Variants in FOXK2 observed in about 807,000 individuals in gnomAD.
FOXK2 encodes the protein forkhead box K2.
In FOXK2, 24 loss-of-function variants were observed where a neutral mutation model predicts 53.3. The observed-to-expected ratio is 0.45, with a 90% CI of 0.33 to 0.63. The LOEUF (loss-of-function observed/expected upper bound fraction) is 0.63, where lower values mean the gene tolerates loss of function less well. Ranked by LOEUF, FOXK2 falls within the 30% of genes least tolerant of loss-of-function variation. The pLI is 0.03. For synonymous variants in FOXK2, 505 were observed against 407.1 expected (o/e 1.24, Z -2.89); for missense variants, 952 against 910.5 (o/e 1.05, Z -0.59).
At chr17:82,597,230 G>T (rs764710988) in intron 8 of FOXK2, among the ~76,000 whole-genome samples, 9 of 152,218 alleles carry the variant, frequency 5.9e-5, no homozygotes, top group Non-Finnish European at 1.0e-4. Flanking sequence ...TGCAGTGCTC[G>T]CTGCACAGAC....
Position 82,597,796 on chromosome 17 carries a change from G to A in FOXK2, c.1787-3507G>A, listed in dbSNP as rs550291343. Among the ~76,000 whole-genome samples, 243 of 152,186 alleles carry A rather than the reference G, an allele frequency of 1.6e-3. 1 individual carries two copies. The highest frequency in any genetic ancestry group is 2.8e-3 in the Non-Finnish European group (191 of 68,004). ...CTCCTGAGTAACTGAGATTACAGGT[G>A]CCCGCCACCACACCTGGCTAATTTT... On this transcript the variant is annotated intron_variant, in intron 8 of 8. Transcript: ENST00000335255.
chr17:82,596,499 C>T (rs1163862979), intron 8 of FOXK2, among the ~76,000 whole-genome samples: 3 of 152,282 alleles, frequency 2.0e-5, no homozygotes, highest in African/African-American at 4.8e-5. Flanking sequence ...GCCCTCGTCA[C>T]GCCCCGGGAC....
At chr17:82,576,656 A>T in intron 4 of FOXK2, 1 of 1,157,936 alleles carries the variant, frequency 8.6e-7, no homozygotes, top group Non-Finnish European at 1.3e-6. Context: ...AAGATGATTG[A>T]CACAACGAAG....
chr17:82,596,289 G>A (rs371065202), intron 8 of FOXK2: 81 of 827,116 alleles, frequency 9.8e-5, no homozygotes, highest in African/African-American at 7.0e-4. Flanking sequence ...TCTGGAACAC[G>A]TTCCTTGCCC....
At chr17:82,596,702 C>A (rs1407714660) in intron 8 of FOXK2, among the ~76,000 whole-genome samples, 2 of 152,226 alleles carry the variant, frequency 1.3e-5, no homozygotes, top group African/African-American at 4.8e-5. Flanking sequence ...AGGATTCCTA[C>A]ACCAAGCCTG....
At chr17:82,529,053 G>A (rs1048776374) in intron 1 of FOXK2, among the ~76,000 whole-genome samples, 2 of 152,220 alleles carry the variant, frequency 1.3e-5, no homozygotes, top group African/African-American at 4.8e-5. Flanking sequence ...CGCAGGAGGG[G>A]AGAGCCGCCT....
At chr17:82,556,667 G>A (rs1567973040) in intron 1 of FOXK2, among the ~76,000 whole-genome samples, 12 of 152,032 alleles carry the variant, frequency 7.9e-5, no homozygotes. Context: ...TGAGCAGATG[G>A]CCAGCAGCAC....
intron 3 of FOXK2, among the ~76,000 whole-genome samples, chr17:82,569,919 T>C (rs1229100117): frequency 9.1e-6 from 1 of 109,362 alleles, no homozygotes; most frequent in African/African-American, 3.2e-5. Flanking sequence ...TACATTTTTC[T>C]GTTTAAAAAA....
chr17:82,519,993 G>T lies in FOXK2; in HGVS notation c.105G>T (p.Trp35Cys), dbSNP rs1374441594. The T allele has an allele frequency of 6.3e-6, 9 of 1,421,074 alleles. No individual in the cohort carries two copies. The African/African-American group carries it at 1.3e-4, about 21-fold the overall frequency. 88.0% of individuals were successfully genotyped at this position (1,421,074 alleles called of 1,614,324 possible). A position where few individuals can be genotyped will look rare whatever the true frequency, so the allele number is the denominator to read the frequency against. Residue 35 changes from tryptophan to cysteine, a missense_variant, in exon 1 of 9, where the codon TGG becomes TGT. Trp to Cys is a radical substitution (Grantham distance 215, BLOSUM62 -2). Coordinates refer to ENST00000335255, the MANE Select transcript of FOXK2 (RefSeq NM_004514.4). ...AGGGGSPPGG[W>C]AVARLEGREF... ...GCGGCGGGTCCCCGCCGGGCGGCTG[G>T]GCCGTGGCGCGCCTGGAGGGCCGCG...
intron 4 of FOXK2, among the ~76,000 whole-genome samples, chr17:82,573,558 TCTCTCACA>T (rs1314259315): frequency 6.2e-4 from 56 of 90,650 alleles, no homozygotes; most frequent in African/African-American, 1.7e-3. Context: ...TCTCTCTCTC[TCTCTCACA>T]CACACACACA....
chr17:82,564,919 G>T lies in FOXK2; in HGVS notation c.614+1371G>T, dbSNP rs186345862. On this transcript the variant is annotated intron_variant, in intron 2 of 8. Transcript: ENST00000335255. ...CTAATTTTGTATTTTTAGTAGAGAT[G>T]GGGTTTCTCCATGTTGGTCAGGGTG... is the stretch of plus-strand genomic sequence containing the variant. 3.3e-5 allele frequency among the ~76,000 whole-genome samples: 5 copies of T among 151,992 alleles called. No homozygotes were observed. In the East Asian group the frequency reaches 9.7e-4, roughly 29 times the overall value.
At chr17:82,573,492 A>G (rs1023392189) in intron 4 of FOXK2, among the ~76,000 whole-genome samples, 1 of 151,870 alleles carries the variant, frequency 6.6e-6, no homozygotes, top group Non-Finnish European at 1.5e-5. Flanking sequence ...TATTTACTCT[A>G]TAAAACTGAG....
At chr17:82,570,155 G>C (rs1387743282) in intron 3 of FOXK2, among the ~76,000 whole-genome samples, 1 of 151,872 alleles carries the variant, frequency 6.6e-6, no homozygotes, top group East Asian at 1.9e-4. Flanking sequence ...CCGGGAGGTG[G>C]AGCTTGCAGT....
chr17:82,587,443 G>A (rs548777054), intron 8 of FOXK2, 171 bp downstream of exon 8: 104 of 634,774 alleles, frequency 1.6e-4, no homozygotes, highest in South Asian at 4.2e-4. Flanking sequence ...TCGTGGAGTC[G>A]GCCGTCATGG....
intron 1 of FOXK2, among the ~76,000 whole-genome samples, chr17:82,558,997 A>G (rs1165498622): frequency 6.6e-6 from 1 of 151,956 alleles, no homozygotes; most frequent in Non-Finnish European, 1.5e-5. Flanking sequence ...GATCTGCCCA[A>G]CTTGGTCTCC....
At chr17:82,591,048 G>A (rs1306952443) in intron 8 of FOXK2, among the ~76,000 whole-genome samples, 4 of 152,324 alleles carry the variant, frequency 2.6e-5, no homozygotes, top group East Asian at 1.9e-4. Flanking sequence ...TGCGTGTGTC[G>A]TGAAGACAGT....
intron 8 of FOXK2, among the ~76,000 whole-genome samples, chr17:82,597,038 G>A (rs140529142): frequency 0.012 from 1,826 of 152,300 alleles, 15 homozygotes; most frequent in Middle Eastern, 0.031. Flanking sequence ...TGGTGAAGGC[G>A]GCGGCGCCTC....
intron 6 of FOXK2, among the ~76,000 whole-genome samples, chr17:82,584,472 C>T (rs866466423): frequency 1.3e-5 from 2 of 149,754 alleles, no homozygotes; most frequent in African/African-American, 2.5e-5. Flanking sequence ...CCCGCACCCC[C>T]ACCCCCCGCA....
At chr17:82,575,832 A>G (rs182812599) in intron 4 of FOXK2, among the ~76,000 whole-genome samples, 3 of 152,352 alleles carry the variant, frequency 2.0e-5, no homozygotes, top group Non-Finnish European at 4.4e-5. Context: ...AAGAAGAGAT[A>G]AAGAGATGCA....
Sources: allele counts gnomAD v4.1 joint callset (sites outside exome capture counted in the v4.1 genomes callset), GRCh38; gene constraint gnomAD v4.1.1; transcripts MANE v1.5; gene names NCBI Gene and HGNC (gene_info 2026-07-23, HGNC 2026-07-21).